Variants in COL13A1 observed in about 807,000 individuals in gnomAD.
The protein encoded by COL13A1 is collagen type XIII alpha 1 chain.
COL13A1 carries 89 observed loss-of-function variants against 130.9 expected under a neutral mutation model. That is an observed-to-expected ratio of 0.68 (90% CI 0.57 to 0.81). The LOEUF is 0.81. Among genes scored for constraint, COL13A1 ranks in the 30% least tolerant of loss-of-function variants. The pLI is 0.00. For synonymous variants in COL13A1, 402 were observed against 341.6 expected, an observed-to-expected ratio of 1.18 and a Z score of -1.95; for missense variants, 879 against 934.6, an observed-to-expected ratio of 0.94 and a Z score of 0.78.
intron 4 of COL13A1, among the ~76,000 whole-genome samples, chr10:69,874,203 C>T (rs2059364568): frequency 1.3e-5 from 2 of 152,254 alleles, no homozygotes; most frequent in Admixed American, 1.3e-4. Context: ...GTGTGCCCCA[C>T]ATACATGGTG....
At chr10:69,815,712 C>T (rs1050810574) in intron 1 of COL13A1, among the ~76,000 whole-genome samples, 11 of 152,128 alleles carry the variant, frequency 7.2e-5, no homozygotes, top group African/African-American at 2.7e-4. Context: ...GCAAGAGAGA[C>T]CAGAACTGGA....
intron 38 of COL13A1, among the ~76,000 whole-genome samples, 162 bp from the exon 39 acceptor site, chr10:69,952,720 G>A (rs1358922133): frequency 6.6e-6 from 1 of 152,234 alleles, no homozygotes; most frequent in Non-Finnish European, 1.5e-5. Context: ...GGGTGGGGAG[G>A]AGGTGGGTAT....
chr10:69,894,713 G>A lies in COL13A1; in HGVS notation c.657+12G>A, dbSNP rs2134805326. 6.2e-7 allele frequency: 1 copy of A among 1,613,894 alleles called. No homozygotes were observed. The highest frequency in any genetic ancestry group is 1.6e-4 in the Middle Eastern group (1 of 6,062). The stretch of plus-strand genomic sequence containing the variant: ...AAAAAGGAGAAAAGGTAAGAGCAGT[G>A]GAGGTTTCCTAGAGTCTCCATCTCA... On this transcript the variant is annotated intron_variant, in intron 12 of 40. Coordinates refer to ENST00000645393, the MANE Select transcript of COL13A1 (RefSeq NM_001368882.1).
intron 26 of COL13A1, 173 bp downstream of exon 26, chr10:69,926,045 T>G: frequency 1.7e-6 from 1 of 586,566 alleles, no homozygotes; most frequent in Non-Finnish European, 3.0e-6. Context: ...TCCCGCTGTG[T>G]AGCCTCCTGG....
intron 7 of COL13A1, among the ~76,000 whole-genome samples, chr10:69,881,204 G>A (rs1301458484): frequency 6.6e-6 from 1 of 152,172 alleles, no homozygotes; most frequent in African/African-American, 2.4e-5. Context: ...TGAACCACGG[G>A]GCTTTAATAA....
chr10:69,930,934 C>T lies in COL13A1; in HGVS notation c.1683+382C>T, dbSNP rs74951371. On this transcript the variant is annotated intron_variant, in intron 30 of 40. Transcript: ENST00000645393. ...GGAAAGTGTACAGAAGCCCTATACC[C>T]GGGAGAGGCTGCATGTACAGAAACG... Among the ~76,000 whole-genome samples the T allele has an allele frequency of 7.0e-4, 106 of 152,332 alleles. 3 individuals are homozygous for T. The highest frequency in any genetic ancestry group is 6.5e-3 in the Admixed American group (99 of 15,308).
chr10:69,867,830 G>C (rs564249334), intron 3 of COL13A1, 25 bp downstream of exon 3: 3 of 718,352 alleles, frequency 4.2e-6, no homozygotes, highest in Admixed American at 2.0e-5. Flanking sequence ...CGAGGGTCTC[G>C]TGCATCTGAA....
intron 13 of COL13A1, chr10:69,897,680 C>A: frequency 1.1e-6 from 1 of 910,016 alleles, no homozygotes; most frequent in Non-Finnish European, 1.7e-6. Flanking sequence ...CAGCTGTGAC[C>A]TGGAAAGGCC....
chr10:69,870,074 A>G (rs1375489075), intron 3 of COL13A1, among the ~76,000 whole-genome samples: 1 of 152,160 alleles, frequency 6.6e-6, no homozygotes, highest in Non-Finnish European at 1.5e-5. Flanking sequence ...CAAGTCACTT[A>G]ACCTCTCTCT....
intron 37 of COL13A1, 74 bp downstream of exon 37, chr10:69,945,798 C>T (rs2068425695): frequency 1.3e-6 from 2 of 1,543,514 alleles, no homozygotes; most frequent in Non-Finnish European, 1.8e-6. Flanking sequence ...GCCGGCCGGG[C>T]ATGGTGGCTC....
chr10:69,901,963 A>G, intron 14 of COL13A1, among the ~76,000 whole-genome samples: 1 of 152,154 alleles, frequency 6.6e-6, no homozygotes, highest in East Asian at 1.9e-4. Flanking sequence ...CAATGAAACC[A>G]AAGATTGCAG....
rs186906840 is a variant in COL13A1 at position 69,895,331 on chromosome 10, C to T, written c.658-219C>T. Among the ~76,000 whole-genome samples, 295 of 152,316 alleles carry T rather than the reference C, an allele frequency of 1.9e-3. 4 individuals are homozygous for T. The highest frequency in any genetic ancestry group is 6.9e-3 in the African/African-American group (288 of 41,582). On this transcript the variant is annotated intron_variant, in intron 12 of 40. Transcript: ENST00000645393. ...AGCCCCACCCCTAGGCTCCCTGGGG[C>T]CACTTCCAGGCAGGCCATGGAAGTT...
At chr10:69,868,585 C>A (rs12357738) in intron 3 of COL13A1, among the ~76,000 whole-genome samples, 3 of 152,052 alleles carry the variant, frequency 2.0e-5, no homozygotes, top group South Asian at 4.1e-4. Flanking sequence ...TTGAAAGGGC[C>A]CAGCCCTCGC....
chr10:69,900,785 G>A (rs141616966), intron 14 of COL13A1, among the ~76,000 whole-genome samples: 273 of 152,328 alleles, frequency 1.8e-3, no homozygotes, highest in Non-Finnish European at 2.4e-3. Context: ...GGAAAGAATA[G>A]GGAGAGTCTG....
intron 7 of COL13A1, among the ~76,000 whole-genome samples, chr10:69,885,924 A>G (rs1343929919): frequency 6.6e-6 from 1 of 151,842 alleles, no homozygotes; most frequent in African/African-American, 2.4e-5. Flanking sequence ...GCAGACTTCA[A>G]CTCACTCCCT....
chr10:69,910,522 T>C (rs2063255315), intron 17 of COL13A1, among the ~76,000 whole-genome samples: 1 of 152,150 alleles, frequency 6.6e-6, no homozygotes, highest in African/African-American at 2.4e-5. Context: ...CTGGGCCTGG[T>C]ATCCTCTTAA....
Position 69,804,941 on chromosome 10 carries a change from T to C in COL13A1, c.294+2224T>C, listed in dbSNP as rs567919573. On this transcript the variant is annotated intron_variant, in intron 1 of 40. Transcript: ENST00000645393. ...ATGGCAGGCTTCCTTAGGGAAATGATTTTCAAATGAAGAGCTGAAGGATGA... is the reference window on the plus strand; with the variant it reads ...ATGGCAGGCTTCCTTAGGGAAATGACTTTCAAATGAAGAGCTGAAGGATGA... 3.3e-5 allele frequency among the ~76,000 whole-genome samples: 5 copies of C among 151,482 alleles called. No individual in the cohort carries two copies. The East Asian group carries it at 5.8e-4, about 18-fold the overall frequency.
chr10:69,936,052 GAGGGAGGGAGTGAGGGA>G lies in COL13A1; in HGVS notation c.1770+672_1771-677del, dbSNP rs2066799032. 4.5e-5 allele frequency among the ~76,000 whole-genome samples: 6 copies of G among 133,186 alleles called. No homozygotes were observed. The South Asian group carries it at 1.7e-3, about 37-fold the overall frequency. The allele number at this position is 133,186 out of a possible 152,430, so 87.4% of individuals were successfully genotyped here. ...GAGAGAAAGAGAGGGAGGAGGGAGG[GAGGGAGGGAGTGAGGGA>G]AGGGAGGGAGGGAGGGAGGGAAGGA... On this transcript the variant is annotated intron_variant, in intron 32 of 40. Transcript: ENST00000645393.
At chr10:69,936,901 G>A in intron 33 of COL13A1, 119 bp downstream of exon 33, 2 of 1,147,406 alleles carry the variant, frequency 1.7e-6, no homozygotes, top group Non-Finnish European at 2.6e-6. Context: ...AGCCAAGGGG[G>A]TCCAGTCAGG....
Sources: allele counts gnomAD v4.1 joint callset (sites outside exome capture counted in the v4.1 genomes callset), GRCh38; gene constraint gnomAD v4.1.1; transcripts MANE v1.5; gene names NCBI Gene and HGNC (gene_info 2026-07-23, HGNC 2026-07-21).